PIK3AP1: variants seen among roughly 807,000 people sequenced by gnomAD.
The protein encoded by PIK3AP1 is phosphoinositide-3-kinase adaptor protein 1, also known as phosphoinositide 3-kinase adapter protein 1.
In PIK3AP1, 21 loss-of-function variants were observed where a neutral mutation model predicts 88.1. That is an observed-to-expected ratio of 0.24 (90% CI 0.17 to 0.34). PIK3AP1 has a LOEUF of 0.34. Ranked by LOEUF, PIK3AP1 falls within the 10% of genes least tolerant of loss-of-function variation. The pLI is 1.00. For missense variants in PIK3AP1, 828 were observed against 1,035.7 expected, an observed-to-expected ratio of 0.80 and a Z score of 2.75; for synonymous variants, 398 against 400.0, an observed-to-expected ratio of 1.00 and a Z score of 0.06.
intron 14 of PIK3AP1, among the ~76,000 whole-genome samples, chr10:96,605,945 G>A (rs192560358): frequency 4.6e-5 from 7 of 152,234 alleles, no homozygotes; most frequent in Admixed American, 3.3e-4. Context: ...TTAGCTGGGC[G>A]TGGTCGCGGG....
intron 2 of PIK3AP1, among the ~76,000 whole-genome samples, chr10:96,692,320 A>T (rs1248448712): frequency 2.0e-5 from 3 of 152,242 alleles, no homozygotes; most frequent in Non-Finnish European, 4.4e-5. Context: ...TCATGCCTGT[A>T]ATCCCAGCGC....
intron 12 of PIK3AP1, chr10:96,619,438 C>G (rs556377590): frequency 6.6e-6 from 1 of 152,284 alleles, no homozygotes; most frequent in Non-Finnish European, 1.5e-5. Context: ...TAAGCAGGGT[C>G]GGGCCTGGCT....
intron 16 of PIK3AP1, among the ~76,000 whole-genome samples, chr10:96,597,176 G>T (rs973004385): frequency 4.6e-5 from 7 of 151,788 alleles, no homozygotes; most frequent in African/African-American, 1.5e-4. Context: ...GTGAGTTTGG[G>T]GTTATAGGAG....
At chr10:96,659,650 G>C (rs1843659680) in intron 2 of PIK3AP1, among the ~76,000 whole-genome samples, 1 of 150,616 alleles carries the variant, frequency 6.6e-6, no homozygotes, top group Admixed American at 6.6e-5. Flanking sequence ...ATCACTTAAG[G>C]CCAGGAGTTC....
At chr10:96,665,892 G>A (rs967761386) in intron 2 of PIK3AP1, among the ~76,000 whole-genome samples, 27 of 152,254 alleles carry the variant, frequency 1.8e-4, no homozygotes, top group African/African-American at 6.3e-4. Flanking sequence ...TAACACAGGG[G>A]AGACGGAGCA....
chr10:96,607,729 C>T (rs574355201), intron 14 of PIK3AP1, among the ~76,000 whole-genome samples: 8 of 152,236 alleles, frequency 5.3e-5, no homozygotes, highest in African/African-American at 1.4e-4. Flanking sequence ...AGAGAGGCCC[C>T]GGAGGATGAG....
chr10:96,632,979 G>C (rs889628382), intron 8 of PIK3AP1: 1 of 1,612,712 alleles, frequency 6.2e-7, no homozygotes, highest in Non-Finnish European at 8.5e-7. Flanking sequence ...GTCTTCCTTT[G>C]AGCCAGTCCT....
At chr10:96,674,261 T>C (rs1843886963) in intron 2 of PIK3AP1, among the ~76,000 whole-genome samples, 1 of 152,188 alleles carries the variant, frequency 6.6e-6, no homozygotes, top group Non-Finnish European at 1.5e-5. Flanking sequence ...ACAAACGCAA[T>C]TACTAACAGA....
At chr10:96,683,455 A>T (rs767956944) in intron 2 of PIK3AP1, among the ~76,000 whole-genome samples, 1 of 152,212 alleles carries the variant, frequency 6.6e-6, no homozygotes, top group Non-Finnish European at 1.5e-5. Flanking sequence ...AAGAAAAGAC[A>T]CTTTCAGAAA....
intron 10 of PIK3AP1, among the ~76,000 whole-genome samples, chr10:96,625,774 A>G (rs1272654319): frequency 6.6e-6 from 1 of 152,112 alleles, no homozygotes. Context: ...TTTCAGACAG[A>G]GTCTTGCTCT....
At chr10:96,684,037 T>G (rs1196032974) in intron 2 of PIK3AP1, among the ~76,000 whole-genome samples, 1 of 152,218 alleles carries the variant, frequency 6.6e-6, no homozygotes, top group Admixed American at 6.5e-5. Context: ...TTTTGAGATT[T>G]CTGAAAACGC....
chr10:96,643,275 T>C (rs1843416286), intron 8 of PIK3AP1, among the ~76,000 whole-genome samples: 1 of 152,214 alleles, frequency 6.6e-6, no homozygotes, highest in East Asian at 1.9e-4. Flanking sequence ...TGGTGTTGGA[T>C]AACAATTTCT....
At chr10:96,686,043 G>T (rs551721256) in intron 2 of PIK3AP1, among the ~76,000 whole-genome samples, 2 of 152,306 alleles carry the variant, frequency 1.3e-5, no homozygotes, top group African/African-American at 4.8e-5. Flanking sequence ...TGGGAGGGCA[G>T]CAGAAGCACC....
intron 2 of PIK3AP1, among the ~76,000 whole-genome samples, chr10:96,684,065 G>A (rs1262892822): frequency 2.0e-5 from 3 of 152,194 alleles, no homozygotes; most frequent in Non-Finnish European, 4.4e-5. Context: ...TAGTTCCAGT[G>A]CCATTCTGCC....
chr10:96,666,721 A>T (rs1481869400), intron 2 of PIK3AP1, among the ~76,000 whole-genome samples: 11 of 152,120 alleles, frequency 7.2e-5, no homozygotes. Flanking sequence ...ACTGCTCAAT[A>T]GTCCTAATCT....
chr10:96,614,767 G>A (rs945382629), intron 13 of PIK3AP1, among the ~76,000 whole-genome samples: 2 of 152,164 alleles, frequency 1.3e-5, no homozygotes, highest in African/African-American at 4.8e-5. Context: ...AATGAGTGGT[G>A]TCACCAAATA....
In PIK3AP1 at chr10:96,628,919, T is replaced by C. The variant is rs1221725195; in HGVS notation, c.1376-426A>G. ...ATATATATATATATGTGTATATATA[T>C]ATATATATATGGCAAGGTCTCAGGC... On this transcript the variant is annotated intron_variant, in intron 8 of 16. Coordinates refer to ENST00000339364, the MANE Select transcript of PIK3AP1 (RefSeq NM_152309.3). Among the ~76,000 whole-genome samples, 41 of 127,120 alleles carry C rather than the reference T, an allele frequency of 3.2e-4. 2 individuals carry two copies. Among genetic ancestry groups the C allele is most frequent in the Middle Eastern group, 3.8e-3 (1 of 262 alleles). The allele number at this position is 127,120 out of a possible 152,430, so 83.4% of individuals were successfully genotyped here.
chr10:96,652,906 A>G, intron 3 of PIK3AP1, 64 bp from the exon 4 acceptor site: 1 of 1,561,778 alleles, frequency 6.4e-7, no homozygotes, highest in South Asian at 1.2e-5. Flanking sequence ...GTTGGGCCCA[A>G]GGGTCTCCCC....
chr10:96,646,842 T>C (rs1415739502), intron 7 of PIK3AP1, among the ~76,000 whole-genome samples: 2 of 152,170 alleles, frequency 1.3e-5, no homozygotes, highest in South Asian at 2.1e-4. Context: ...CTGCACAACT[T>C]TTCCTGGTAA....
Sources: allele counts gnomAD v4.1 joint callset (sites outside exome capture counted in the v4.1 genomes callset), GRCh38; gene constraint gnomAD v4.1.1; transcripts MANE v1.5; gene names NCBI Gene and HGNC (gene_info 2026-07-23, HGNC 2026-07-21).